WDR17: variants seen among roughly 807,000 people sequenced by gnomAD.
WDR17 encodes WD repeat domain 17, also known as WD repeat-containing protein 17.
WDR17 carries 143 observed loss-of-function variants against 161.7 expected under a neutral mutation model. The observed-to-expected ratio is 0.88, with a 90% CI of 0.77 to 1.02. The LOEUF (loss-of-function observed/expected upper bound fraction) is 1.02, where lower values mean the gene tolerates loss of function less well. WDR17 is among the 50% of genes least tolerant of loss of function. The pLI, the probability that WDR17 is intolerant of heterozygous loss-of-function variation, is 0.00. For synonymous variants in WDR17, 517 were observed against 515.6 expected (o/e 1.00, Z -0.04); for missense variants, 1,469 against 1,520.9 (o/e 0.97, Z 0.57).
At chr4:176,111,384 A>C in intron 1 of WDR17, 191 bp from the exon 2 acceptor site, 1 of 401,174 alleles carries the variant, frequency 2.5e-6, no homozygotes, top group Non-Finnish European at 4.2e-6. Flanking sequence ...CATTTAAATT[A>C]GTTGCCTTGA....
In WDR17 at chr4:176,150,544, A is replaced by G. The variant is rs1746951960; in HGVS notation, c.2255A>G (p.Asn752Ser). 6 of 1,611,810 alleles carry G rather than the reference A, an allele frequency of 3.7e-6. No homozygotes were observed. Among genetic ancestry groups the G allele is most frequent in the Non-Finnish European group, 5.1e-6 (6 of 1,179,170 alleles). Reference protein sequence around the residue: ...KGQDDSLLPQNYCKGIMHLKH... With the variant: ...KGQDDSLLPQSYCKGIMHLKH... ...CAGGATGATAGCTTACTTCCTCAGA[A>G]CTACTGCAAAGGAATAATGCACTTG... Residue 752 changes from asparagine to serine, a missense_variant, in exon 16 of 29, where the codon AAC becomes AGC. By Grantham distance (46) the Asn-to-Ser change is conservative (BLOSUM62 1). Coordinates refer to ENST00000508596, the MANE Select transcript of WDR17 (RefSeq NM_181265.4).
chr4:176,103,219 A>C (rs973341130), intron 1 of WDR17, among the ~76,000 whole-genome samples: 1 of 152,214 alleles, frequency 6.6e-6, no homozygotes. Flanking sequence ...TGAACAGAGG[A>C]CACAGGTTCA....
At chr4:176,106,909 C>T (rs1380342874) in intron 1 of WDR17, among the ~76,000 whole-genome samples, 1 of 151,916 alleles carries the variant, frequency 6.6e-6, no homozygotes, top group Non-Finnish European at 1.5e-5. Flanking sequence ...TATGATCATG[C>T]CACTACACTC....
chr4:176,175,942 G>A (rs919813640), intron 26 of WDR17, among the ~76,000 whole-genome samples: 5 of 152,082 alleles, frequency 3.3e-5, no homozygotes, highest in East Asian at 3.9e-4. Context: ...TCCCTATTGC[G>A]TAGGTGAAGC....
At chr4:176,111,238 G>A in intron 1 of WDR17, 1 of 160,978 alleles carries the variant, frequency 6.2e-6, no homozygotes. Flanking sequence ...ACATGGGATG[G>A]CCTTCTTCAG....
chr4:176,106,056 A>T (rs1324513412), intron 1 of WDR17, among the ~76,000 whole-genome samples: 1 of 152,064 alleles, frequency 6.6e-6, no homozygotes, highest in Non-Finnish European at 1.5e-5. Flanking sequence ...ATTGTACACC[A>T]ACTAATTCAA....
intron 1 of WDR17, among the ~76,000 whole-genome samples, chr4:176,086,103 T>A (rs770645444): frequency 6.1e-4 from 93 of 152,122 alleles, no homozygotes; most frequent in Non-Finnish European, 1.0e-3. Context: ...AGTTGTGGAT[T>A]TTGTAGTTTT....
Position 176,148,257 on chromosome 4 carries a change from G to T in WDR17, c.1819G>T (p.Asp607Tyr), listed in dbSNP as rs1561179464. The change falls in exon 13 of 29, where the codon GAC becomes TAC. Residue 607 changes from aspartate to tyrosine, a missense_variant. Physicochemically the swap from Asp to Tyr is radical, Grantham distance 160 (BLOSUM62 -3). Coordinates refer to ENST00000508596, the MANE Select transcript of WDR17 (RefSeq NM_181265.4). ...IPYLLISGSW[D>Y]YTIKVWDTRE... is the part of the protein sequence containing the mutation. ...ATATCTGCTCATATCTGGCAGCTGGGACTATACTATAAAAGTATGGGACAC... is the reference window on the plus strand; with the variant it reads ...ATATCTGCTCATATCTGGCAGCTGGTACTATACTATAAAAGTATGGGACAC... 2 of 1,613,994 alleles carry T rather than the reference G, an allele frequency of 1.2e-6. No homozygotes were observed. Among genetic ancestry groups the T allele is most frequent in the Non-Finnish European group, 1.7e-6 (2 of 1,179,950 alleles).
intron 1 of WDR17, among the ~76,000 whole-genome samples, chr4:176,077,483 TATG>T (rs1169243549): frequency 3.9e-5 from 6 of 152,106 alleles, no homozygotes; most frequent in African/African-American, 4.8e-5. Flanking sequence ...ACGTAGTACC[TATG>T]ACACCGATTA....
rs761126155 is a variant in WDR17, at chr4:176,135,154, C to G, written c.1145C>G (p.Pro382Arg). 1 of 1,612,202 alleles carries G rather than the reference C, an allele frequency of 6.2e-7. No homozygotes were observed. Among genetic ancestry groups the G allele is most frequent in the Non-Finnish European group, 8.5e-7 (1 of 1,178,616 alleles). Residue 382 changes from proline (P) to arginine (R), a missense_variant, in exon 8 of 29, where the codon CCT becomes CGT. By Grantham distance (103) the Pro-to-Arg change is moderately radical. Transcript: ENST00000508596. ...GACTGCAAATTCAAACCTGACGATC[C>G]TAATCTTTTAGCAACAGCTTCATTT... Reference protein sequence around the residue: ...IFDCKFKPDDPNLLATASFDG... With the variant: ...IFDCKFKPDDRNLLATASFDG...
At position 176,125,133 on chromosome 4, in the gene WDR17, C is replaced by A; in HGVS notation, c.568C>A (p.Pro190Thr). ...TAAAAATCAGAAACATGTTTTGAGA[C>A]CAGAATCTCTTGAAGGGACAGATGA... ...GNKNQKHVLRPESLEGTDEED... is the reference protein window; with the variant it reads ...GNKNQKHVLRTESLEGTDEED... Residue 190 changes from proline (P) to threonine (T), a missense_variant, in exon 5 of 29, where the codon CCA becomes ACA. Coordinates refer to ENST00000508596, the MANE Select transcript of WDR17 (RefSeq NM_181265.4). 2 of 1,614,070 alleles carry A rather than the reference C, an allele frequency of 1.2e-6. No individual in the cohort carries two copies. The highest frequency in any genetic ancestry group is 1.6e-4 in the Middle Eastern group (1 of 6,062).
intron 8 of WDR17, among the ~76,000 whole-genome samples, chr4:176,135,565 T>A (rs1379837454): frequency 1.3e-5 from 2 of 151,598 alleles, no homozygotes; most frequent in African/African-American, 4.8e-5. Flanking sequence ...TAGCTATGCC[T>A]TTAGAAGTAT....
rs386357678 is a variant in WDR17 at position 176,074,810 on chromosome 4, C to CTTTTT, written c.-7+8749_-7+8753dup. On this transcript the variant is annotated intron_variant, in intron 1 of 28. Transcript: ENST00000508596. ...TGGGCATGCGGGATTTTTTTTAATG[C>CTTTTT]TTTTTTTTTTTTTTTTTTTTTTGCT... Among the ~76,000 whole-genome samples, 54 of 79,168 alleles carry CTTTTT rather than the reference C, an allele frequency of 6.8e-4. 1 individual carries two copies. The highest frequency in any genetic ancestry group is 1.7e-3 in the South Asian group (3 of 1,750). 51.9% of individuals were successfully genotyped at this position (79,168 alleles called of 152,430 possible).
chr4:176,075,016 G>A (rs1334454116), intron 1 of WDR17, among the ~76,000 whole-genome samples: 1 of 151,736 alleles, frequency 6.6e-6, no homozygotes, highest in Non-Finnish European at 1.5e-5. Flanking sequence ...TAATGTGTAT[G>A]TGTATATAGG....
chr4:176,096,634 C>A, intron 1 of WDR17: 1 of 1,458,368 alleles, frequency 6.9e-7, no homozygotes, highest in Non-Finnish European at 9.4e-7. Flanking sequence ...TTTTTTTCTG[C>A]TTTGCTTCTC....
intron 1 of WDR17, among the ~76,000 whole-genome samples, chr4:176,084,787 A>T (rs973451584): frequency 1.7e-4 from 25 of 146,486 alleles, no homozygotes; most frequent in African/African-American, 4.2e-4. Context: ...TATATATATA[A>T]AATATATATA....
At chr4:176,089,335 A>C (rs1735817320) in intron 1 of WDR17, among the ~76,000 whole-genome samples, 1 of 152,188 alleles carries the variant, frequency 6.6e-6, no homozygotes, top group African/African-American at 2.4e-5. Flanking sequence ...CTATAAATGG[A>C]ATCATGCAAT....
chr4:176,116,205 C>G (rs1740604741), intron 3 of WDR17, among the ~76,000 whole-genome samples: 1 of 151,412 alleles, frequency 6.6e-6, no homozygotes, highest in South Asian at 2.1e-4. Context: ...AAAACATAGC[C>G]AATACCAAAT....
Position 176,177,611 on chromosome 4 carries a change from A to G in WDR17, c.3689A>G (p.His1230Arg), listed in dbSNP as rs772973656. ...GTGACTGGATCAAATCTTCCAAGTC[A>G]TTCTGATATTCACATTTCTTGTCTT... ...DYVTGSNLPS[H>R]SDIHISCLTG... The change falls in exon 28 of 29, where the codon CAT becomes CGT. Residue 1230 changes from histidine to arginine, a missense_variant. His to Arg is a conservative substitution (Grantham distance 29). Coordinates refer to ENST00000508596, the MANE Select transcript of WDR17 (RefSeq NM_181265.4). 6.3e-7 allele frequency: 1 copy of G among 1,597,592 alleles called. No individual in the cohort carries two copies. The highest frequency in any genetic ancestry group is 2.2e-5 in the East Asian group (1 of 44,538).
Sources: gnomAD v4.1 joint callset for allele counts (sites outside exome capture counted in the v4.1 genomes callset) on GRCh38, gnomAD v4.1.1 for gene constraint, MANE v1.5 for transcripts, NCBI Gene and HGNC (gene_info 2026-07-23, HGNC 2026-07-21) for gene names.